Variants in TBC1D15 observed in about 807,000 individuals in gnomAD.
TBC1D15 encodes the protein TBC1 domain family member 15.
Under a neutral mutation model 95.4 loss-of-function variants are expected in TBC1D15, and 39 were observed. The observed-to-expected ratio is 0.41, with a 90% CI of 0.32 to 0.53. The LOEUF (loss-of-function observed/expected upper bound fraction) is 0.53. Ranked by LOEUF, TBC1D15 falls within the 20% of genes least tolerant of loss-of-function variation. TBC1D15 has a pLI of 0.29. For synonymous variants in TBC1D15, 258 were observed against 261.3 expected (o/e 0.99, Z 0.12); for missense variants, 733 against 794.3 (o/e 0.92, Z 0.93).
intron 11 of TBC1D15, among the ~76,000 whole-genome samples, chr12:71,911,105 C>G (rs962947125): frequency 1.1e-4 from 16 of 152,166 alleles, no homozygotes; most frequent in Middle Eastern, 3.4e-3. Context: ...ATGGCAATCA[C>G]TAAAAAGTCA....
chr12:71,876,891 A>G (rs1893959563), intron 3 of TBC1D15, among the ~76,000 whole-genome samples: 2 of 150,696 alleles, frequency 1.3e-5, no homozygotes, highest in Non-Finnish European at 3.0e-5. Flanking sequence ...ATTCACTGCA[A>G]CCTCTGCCTC....
intron 4 of TBC1D15, among the ~76,000 whole-genome samples, 169 bp downstream of exon 4, chr12:71,880,776 A>G (rs17110365): frequency 0.1 from 14,012 of 134,310 alleles, 716 homozygotes; most frequent in South Asian, 0.17. Context: ...TCTCTGTTTT[A>G]TTGGTTGTGG....
At chr12:71,852,277 A>G (rs1888015468) in intron 1 of TBC1D15, among the ~76,000 whole-genome samples, 1 of 152,200 alleles carries the variant, frequency 6.6e-6, no homozygotes, top group Non-Finnish European at 1.5e-5. Context: ...GAGGTTGTGC[A>G]GGGCAGCAGG....
At position 71,921,382 on chromosome 12, in the gene TBC1D15, G is replaced by T; in HGVS notation, c.1731G>T (p.Leu577Phe). 6.4e-7 allele frequency: 1 copy of T among 1,559,460 alleles called. No homozygotes were observed. The highest frequency in any genetic ancestry group is 8.7e-7 in the Non-Finnish European group (1 of 1,147,640). ...ATACTTTTTAGCATATCAATGAATTGTCCATGAAAATTGATGTGGAAGATA... is the reference window on the plus strand; with the variant it reads ...ATACTTTTTAGCATATCAATGAATTTTCCATGAAAATTGATGTGGAAGATA... ...FNEILKHINE[L>F]SMKIDVEDIL... Residue 577 changes from leucine to phenylalanine, a missense_variant, in exon 16 of 17, where the codon TTG becomes TTT. Leu to Phe is a conservative substitution (Grantham distance 22). Coordinates refer to ENST00000485960, the MANE Select transcript of TBC1D15 (RefSeq NM_001146213.3).
chr12:71,922,471 A>G (rs1869800862), intron 16 of TBC1D15, among the ~76,000 whole-genome samples: 1 of 150,626 alleles, frequency 6.6e-6, no homozygotes. Flanking sequence ...TACATGTGCC[A>G]CATTGGTTTG....
intron 3 of TBC1D15, among the ~76,000 whole-genome samples, chr12:71,879,258 G>A (rs995188600): frequency 6.6e-6 from 1 of 151,604 alleles, no homozygotes; most frequent in Non-Finnish European, 1.5e-5. Context: ...TCAGCCTCTC[G>A]AGTAGCTGGG....
intron 3 of TBC1D15, among the ~76,000 whole-genome samples, chr12:71,874,667 G>A (rs1397467583): frequency 7.0e-6 from 1 of 143,466 alleles, no homozygotes; most frequent in East Asian, 2.0e-4. Context: ...CTGTCGCCCA[G>A]GCTGGAGTGC....
In TBC1D15 at chr12:71,902,153, C is replaced by A. The variant is rs533162668; in HGVS notation, c.1183+4212C>A. Among the ~76,000 whole-genome samples, 9 of 152,190 alleles carry A rather than the reference C, an allele frequency of 5.9e-5. No homozygotes were observed. The East Asian group carries it at 1.4e-3, about 23-fold the overall frequency. On this transcript the variant is annotated intron_variant, in intron 10 of 16. Transcript: ENST00000485960. ...TTGAAAGAATATTGTTTAAAATGGC[C>A]GTACTGCCCAAAGCTATTTATAGAT...
Position 71,921,444 on chromosome 12 carries a change from T to TA in TBC1D15, c.1797dup (p.Cys600MetfsTer10). On this transcript the variant is annotated frameshift_variant, in exon 16 of 17. Coordinates refer to ENST00000485960, the MANE Select transcript of TBC1D15 (RefSeq NM_001146213.3). LOFTEE classifies it high-confidence loss of function. ...GCAGAAGCAATTTCTCTACAGATGG[T>TA]AAAATGCAAGGTATACAGTGTTTCA... 1 of 1,563,862 alleles carries TA rather than the reference T, an allele frequency of 6.4e-7. No homozygotes were observed. Among genetic ancestry groups the TA allele is most frequent in the Non-Finnish European group, 8.7e-7 (1 of 1,147,506 alleles).
At chr12:71,865,703 T>C (rs1426653066) in intron 1 of TBC1D15, among the ~76,000 whole-genome samples, 1 of 152,062 alleles carries the variant, frequency 6.6e-6, no homozygotes, top group African/African-American at 2.4e-5. Context: ...CTAGAGTTGT[T>C]TGGCCTGTAG....
At chr12:71,911,655 G>A in intron 11 of TBC1D15, among the ~76,000 whole-genome samples, 1 of 149,980 alleles carries the variant, frequency 6.7e-6, no homozygotes, top group African/African-American at 2.5e-5. Flanking sequence ...GATAGCATTA[G>A]GAGATATACC....
intron 8 of TBC1D15, 22 bp from the exon 9 acceptor site, chr12:71,896,651 GTATT>G: frequency 6.4e-7 from 1 of 1,563,656 alleles, no homozygotes; most frequent in Non-Finnish European, 8.7e-7. Flanking sequence ...TTTCATTCAT[GTATT>G]TAATATGTAT....
chr12:71,878,451 T>C, intron 3 of TBC1D15, among the ~76,000 whole-genome samples: 1 of 151,726 alleles, frequency 6.6e-6, no homozygotes, highest in Admixed American at 6.6e-5. Context: ...AGAGTACTCT[T>C]GTAGATGCTT....
At chr12:71,918,230 C>A (rs953289099) in intron 13 of TBC1D15, among the ~76,000 whole-genome samples, 1 of 152,200 alleles carries the variant, frequency 6.6e-6, no homozygotes, top group Non-Finnish European at 1.5e-5. Context: ...ACCAAACTCT[C>A]TTTGTATAAT....
chr12:71,920,995 G>C, intron 15 of TBC1D15, 148 bp downstream of exon 15: 1 of 615,430 alleles, frequency 1.6e-6, no homozygotes, highest in Non-Finnish European at 2.8e-6. Flanking sequence ...ATCTGAGAAT[G>C]ACAGTTCAAA....
At chr12:71,906,597 C>A (rs1592807536) in intron 10 of TBC1D15, among the ~76,000 whole-genome samples, 1 of 149,410 alleles carries the variant, frequency 6.7e-6, no homozygotes, top group Admixed American at 6.7e-5. Context: ...GTGAATGAAA[C>A]AAATCTCTTT....
At chr12:71,907,001 T>C (rs767315284) in intron 10 of TBC1D15, 21 bp from the exon 11 acceptor site, 63 of 1,481,448 alleles carry the variant, frequency 4.3e-5, no homozygotes, top group Non-Finnish European at 5.6e-5. Flanking sequence ...TTTTCAAATA[T>C]GTGATGATTT....
chr12:71,862,908 C>A (rs1890688676), intron 1 of TBC1D15, among the ~76,000 whole-genome samples: 1 of 152,080 alleles, frequency 6.6e-6, no homozygotes, highest in Non-Finnish European at 1.5e-5. Flanking sequence ...CTTATAAGGC[C>A]AGTCTAGTAG....
chr12:71,856,316 C>T (rs936334583), intron 1 of TBC1D15, among the ~76,000 whole-genome samples: 9 of 152,048 alleles, frequency 5.9e-5, no homozygotes, highest in African/African-American at 1.9e-4. Context: ...TAGGCTATTC[C>T]GTTTTTACAT....
Sources: gnomAD v4.1 joint callset for allele counts (sites outside exome capture counted in the v4.1 genomes callset) on GRCh38, gnomAD v4.1.1 for gene constraint, MANE v1.5 for transcripts, NCBI Gene and HGNC (gene_info 2026-07-23, HGNC 2026-07-21) for gene names.